PSMD5: variants seen among roughly 807,000 people sequenced by gnomAD.
PSMD5 encodes 26S proteasome non-ATPase regulatory subunit 5.
In PSMD5, 40 loss-of-function variants were observed where a neutral mutation model predicts 52.1. The ratio of observed to expected loss-of-function variants is 0.77; its 90% CI spans 0.60 to 1.00. PSMD5 has a LOEUF of 1.00. Among genes scored for constraint, PSMD5 ranks in the 50% least tolerant of loss-of-function variants. PSMD5 has a pLI of 0.00. For missense variants in PSMD5, 575 were observed against 605.2 expected, an observed-to-expected ratio of 0.95 and a Z score of 0.52; for synonymous variants, 211 against 226.6, an observed-to-expected ratio of 0.93 and a Z score of 0.62.
At chr9:120,840,748 T>C (rs1434737972) in intron 1 of PSMD5, among the ~76,000 whole-genome samples, 1 of 151,334 alleles carries the variant, frequency 6.6e-6, no homozygotes, top group Admixed American at 6.6e-5. Context: ...GCCTCCAGAG[T>C]AGCTGGGACT....
chr9:120,836,999 C>G (rs1254272100), intron 1 of PSMD5, among the ~76,000 whole-genome samples: 1 of 151,586 alleles, frequency 6.6e-6, no homozygotes, highest in Non-Finnish European at 1.5e-5. Context: ...AAGCGATTCT[C>G]CTGCCTCAGC....
At chr9:120,835,643 C>T (rs113341084) in intron 1 of PSMD5, among the ~76,000 whole-genome samples, 45 of 152,044 alleles carry the variant, frequency 3.0e-4, no homozygotes, top group Middle Eastern at 3.4e-3. Flanking sequence ...GCAGGAGAAT[C>T]GCTTGAACCC....
rs776789294 is a variant in PSMD5, at chr9:120,826,773, T to C, written c.806A>G (p.Tyr269Cys). 2.3e-5 allele frequency: 37 copies of C among 1,613,662 alleles called. No individual in the cohort carries two copies. The highest frequency in any genetic ancestry group is 2.8e-5 in the Non-Finnish European group (33 of 1,179,726). The change falls in exon 6 of 10, where the codon TAT becomes TGT. Residue 269 changes from tyrosine (Y) to cysteine (C), a missense_variant. Tyr to Cys is a radical substitution (Grantham distance 194). Coordinates refer to ENST00000210313, the MANE Select transcript of PSMD5 (RefSeq NM_005047.4). ...GADSDPFSSF[Y>C]LPGFVKFFGN... ...GCATCAGTGTTCCTTACCTGGCAGA[T>C]AGAAGCTAGAGAAAGGGTCTGAATC... is the stretch of plus-strand genomic sequence containing the variant.
rs765895032 is a variant in PSMD5, at chr9:120,831,316, T to G, written c.561+15A>C. On this transcript the variant is annotated intron_variant, in intron 4 of 9. Coordinates refer to ENST00000210313, the MANE Select transcript of PSMD5 (RefSeq NM_005047.4). ...TCTGCTTTGTAAGCATGAGAAAGTGTGCTTTTTATCTTACCTCATACACCC... is the reference window on the plus strand; with the variant it reads ...TCTGCTTTGTAAGCATGAGAAAGTGGGCTTTTTATCTTACCTCATACACCC... 1.3e-6 allele frequency: 2 copies of G among 1,567,496 alleles called. No homozygotes were observed.
chr9:120,826,566 G>C, intron 6 of PSMD5, 199 bp downstream of exon 6: 1 of 567,670 alleles, frequency 1.8e-6, no homozygotes, highest in Admixed American at 3.5e-5. Context: ...CACTTCATCA[G>C]GGTGGATGAC....
chr9:120,838,276 C>A (rs932125172), intron 1 of PSMD5, among the ~76,000 whole-genome samples: 3 of 152,110 alleles, frequency 2.0e-5, no homozygotes, highest in African/African-American at 7.2e-5. Flanking sequence ...ATAAATTATA[C>A]CTTTGAAAGC....
At position 120,833,392 on chromosome 9, in the gene PSMD5, C is replaced by A; in HGVS notation, c.238G>T (p.Val80Leu). The A allele has an allele frequency of 6.2e-7, 1 of 1,614,012 alleles. No individual in the cohort carries two copies. The highest frequency in any genetic ancestry group is 8.5e-7 in the Non-Finnish European group (1 of 1,179,918). Reference protein sequence around the residue: ...RLLQAMEPVHVARNLRVDLQR... With the variant: ...RLLQAMEPVHLARNLRVDLQR... ...AGGTCAACCCTGAGGTTCCGGGCCA[C>A]GTGAACCGGTTCCATAGCTTGGAGC... Residue 80 changes from valine to leucine, a missense_variant, in exon 2 of 10, where the codon GTG (valine) becomes TTG (leucine). Val to Leu is a conservative substitution (Grantham distance 32). Coordinates refer to ENST00000210313, the MANE Select transcript of PSMD5 (RefSeq NM_005047.4).
rs573701870 is a variant in PSMD5, at chr9:120,831,597, G to A, written c.433-138C>T. ...TATTTATAATTGGAAAAGACGCAAG[G>A]TATCCCCCATAGAATTATGATGGAT... On this transcript the variant is annotated intron_variant, in intron 3 of 9. Transcript: ENST00000210313. 2.5e-5 allele frequency: 30 copies of A among 1,186,224 alleles called. No individual in the cohort carries two copies. In the South Asian group the frequency reaches 4.2e-4, roughly 17 times the overall value. 73.5% of individuals were successfully genotyped at this position (1,186,224 alleles called of 1,614,324 possible). A position where few individuals can be genotyped will look rare whatever the true frequency, so the allele number is the denominator to read the frequency against.
intron 5 of PSMD5, among the ~76,000 whole-genome samples, chr9:120,828,077 A>G (rs2131426736): frequency 6.6e-6 from 1 of 151,968 alleles, no homozygotes; most frequent in Non-Finnish European, 1.5e-5. Context: ...GCTCCCTGCA[A>G]TCTTCACCTC....
At chr9:120,833,151 T>C (rs1485511417) in intron 2 of PSMD5, among the ~76,000 whole-genome samples, 161 bp downstream of exon 2, 1 of 151,172 alleles carries the variant, frequency 6.6e-6, no homozygotes, top group Non-Finnish European at 1.5e-5. Context: ...CACATTGGAA[T>C]AGACCACACA....
rs763821239 is a variant in PSMD5, at chr9:120,829,161, A to G, written c.609T>C (p.Cys203=). The G allele has an allele frequency of 1.9e-6, 3 of 1,607,742 alleles. No homozygotes were observed. The highest frequency in any genetic ancestry group is 2.7e-5 in the African/African-American group (2 of 74,516). Reference sequence around the variant, plus strand: ...GCTGGGTTACCAATCCACTTGTGGTACAGTAGTTTAAAGATTCTGGTGACA... The same window carrying G: ...GCTGGGTTACCAATCCACTTGTGGTGCAGTAGTTTAAAGATTCTGGTGACA... ...SSVSPESLNY[C]TTSGLVTQLL... The change falls in exon 5 of 10, where the codon TGT becomes TGC. Residue 203 remains cysteine (C), a synonymous_variant. Transcript: ENST00000210313.
chr9:120,826,292 C>T (rs2045121551), intron 6 of PSMD5, among the ~76,000 whole-genome samples: 1 of 152,140 alleles, frequency 6.6e-6, no homozygotes, highest in Non-Finnish European at 1.5e-5. Flanking sequence ...CTGCGCCCGG[C>T]CTTGTTCCTG....
At chr9:120,818,311 T>A in intron 9 of PSMD5, 148 bp from the exon 10 acceptor site, 1 of 792,584 alleles carries the variant, frequency 1.3e-6, no homozygotes, top group Non-Finnish European at 1.9e-6. Flanking sequence ...GAATCTAACT[T>A]AATAAAATAA....
chr9:120,822,268 T>A (rs2045090680), intron 7 of PSMD5, among the ~76,000 whole-genome samples: 1 of 152,166 alleles, frequency 6.6e-6, no homozygotes, highest in African/African-American at 2.4e-5. Flanking sequence ...CTAGAACACA[T>A]AATTACACGC....
At chr9:120,823,049 G>A (rs113188190) in intron 7 of PSMD5, among the ~76,000 whole-genome samples, 5 of 151,398 alleles carry the variant, frequency 3.3e-5, no homozygotes, top group African/African-American at 1.2e-4. Context: ...GGGCTCAAAC[G>A]ATCCTCCCGC....
chr9:120,841,462 C>T (rs1455486642), intron 1 of PSMD5, among the ~76,000 whole-genome samples: 4 of 152,030 alleles, frequency 2.6e-5, no homozygotes, highest in African/African-American at 7.2e-5. Context: ...GCCTGTAGTC[C>T]CAGGTACTCG....
At chr9:120,825,608 T>C (rs772140618) in intron 6 of PSMD5, among the ~76,000 whole-genome samples, 6 of 152,180 alleles carry the variant, frequency 3.9e-5, no homozygotes, top group Non-Finnish European at 8.8e-5. Flanking sequence ...CATCAGTTTT[T>C]ATAGTTTTCA....
At chr9:120,822,738 G>A (rs1206098873) in intron 7 of PSMD5, among the ~76,000 whole-genome samples, 1 of 151,948 alleles carries the variant, frequency 6.6e-6, no homozygotes, top group African/African-American at 2.4e-5. Context: ...TGTTGGCCAG[G>A]CTGGTCTCGA....
chr9:120,825,009 G>T (rs145603751), intron 6 of PSMD5: 2,263 of 188,632 alleles, frequency 0.012, 26 homozygotes, highest in Middle Eastern at 0.026. Flanking sequence ...ATTTTTAAAT[G>T]GATATGTTCA....
Sources: gnomAD v4.1 joint callset for allele counts (sites outside exome capture counted in the v4.1 genomes callset) on GRCh38, gnomAD v4.1.1 for gene constraint, MANE v1.5 for transcripts, NCBI Gene and HGNC (gene_info 2026-07-23, HGNC 2026-07-21) for gene names.